ANK1: variants seen among roughly 807,000 people sequenced by gnomAD.
The protein encoded by ANK1 is ankyrin 1, also known as ankyrin-1.
A neutral mutation model predicts 210.4 loss-of-function variants in ANK1; 51 were observed. That is an observed-to-expected ratio of 0.24 (90% CI 0.19 to 0.31). ANK1 has a LOEUF of 0.31. Ranked by LOEUF, ANK1 falls within the 10% of genes least tolerant of loss-of-function variation. The probability of loss-of-function intolerance (pLI) is 1.00; values close to 1 mark genes in which losing one functional copy is unlikely to be tolerated. For missense variants in ANK1, 2,051 were observed against 2,504.4 expected (o/e 0.82, Z 3.86); for synonymous variants, 967 against 1,025.9 (o/e 0.94, Z 1.10).
chr8:41,731,870 C>T (rs1391832320), intron 3 of ANK1, among the ~76,000 whole-genome samples: 1 of 152,230 alleles, frequency 6.6e-6, no homozygotes, highest in African/African-American at 2.4e-5. Flanking sequence ...CCGGCACACG[C>T]GGGGCAGGTC....
chr8:41,692,348 C>T (rs1165784309), intron 31 of ANK1, among the ~76,000 whole-genome samples: 2 of 152,264 alleles, frequency 1.3e-5, no homozygotes, highest in African/African-American at 2.4e-5. Context: ...TGAGCCACTG[C>T]GCCCGGCATG....
chr8:41,867,353 G>T (rs1428390190), intron 1 of ANK1, among the ~76,000 whole-genome samples: 3 of 152,188 alleles, frequency 2.0e-5, no homozygotes, highest in Admixed American at 1.3e-4. Context: ...AGACACTCAT[G>T]AGCCAAAGAT....
chr8:41,879,590 A>G (rs1251580109), intron 1 of ANK1, among the ~76,000 whole-genome samples: 1 of 152,216 alleles, frequency 6.6e-6, no homozygotes, highest in African/African-American at 2.4e-5. Flanking sequence ...TTACCCAGGC[A>G]CGCACCAGAT....
At chr8:41,690,110 G>A (rs867221335) in intron 33 of ANK1, 117 bp downstream of exon 33, 2 of 1,509,734 alleles carry the variant, frequency 1.3e-6, no homozygotes, top group Middle Eastern at 2.3e-4. Flanking sequence ...TGCCTCGGGG[G>A]ACTCTAAGCT....
rs919995340 is a variant in ANK1, at chr8:41,804,534, A to G, written c.127-46397T>C. 4.6e-5 allele frequency among the ~76,000 whole-genome samples: 7 copies of G among 152,342 alleles called. No homozygotes were observed. In the East Asian group the frequency reaches 1.3e-3, roughly 29 times the overall value. ...TTTAGTATCATATCATACTAAACTC[A>G]TAAGGTGAGTTGGCTGGCTTCTCTC... On this transcript the variant is annotated intron_variant, in intron 1 of 42. Coordinates refer to the ANK1 transcript ENST00000265709.
At position 41,781,934 on chromosome 8, in the gene ANK1, C is replaced by T. The variant is rs2150748433; in HGVS notation, c.27+15578G>A. The stretch of plus-strand genomic sequence containing the variant: ...GCTGCTGGCGGCTCCCCTGCTGCCT[C>T]ACAGCTAAGGGTCTATGTCACAGTC... On this transcript the variant is annotated intron_variant, in intron 1 of 42. Transcript: ENST00000289734. Among the ~76,000 whole-genome samples, 2 of 152,318 alleles carry T rather than the reference C, an allele frequency of 1.3e-5. 1 individual carries two copies. The highest frequency in any genetic ancestry group is 4.1e-4 in the South Asian group (2 of 4,828).
rs371206799 is a variant in ANK1, at chr8:41,699,632, C to T, written c.2462-84G>A. 175 of 1,299,736 alleles carry T rather than the reference C, an allele frequency of 1.3e-4. No homozygotes were observed. In the African/African-American group the frequency reaches 2.3e-3, roughly 17 times the overall value. The allele number at this position is 1,299,736 out of a possible 1,614,324, so 80.5% of individuals were successfully genotyped here. ...TTAAAAAAGCTCTGTTCCCGCTCCG[C>T]CTCTGGGGGCTTGCTCCTGAGGAGT... On this transcript the variant is annotated intron_variant, in intron 22 of 42. Transcript: ENST00000289734.
At chr8:41,701,940 CGACCCGCG>C (rs1822937181) in intron 21 of ANK1, 104 bp downstream of exon 21, 2 of 1,187,308 alleles carry the variant, frequency 1.7e-6, no homozygotes, top group Admixed American at 3.8e-5. Flanking sequence ...GCGGCGCCTC[CGACCCGCG>C]TCCCGGAGCC....
At chr8:41,656,864 G>T (rs562271174) in intron 42 of ANK1, among the ~76,000 whole-genome samples, 1 of 152,288 alleles carries the variant, frequency 6.6e-6, no homozygotes, top group East Asian at 1.9e-4. Context: ...TTCCTTGCCA[G>T]GGGCTGCTGT....
chr8:41,829,011 T>C (rs969600834), intron 1 of ANK1: 1 of 152,300 alleles, frequency 6.6e-6, no homozygotes, highest in African/African-American at 2.4e-5. Context: ...ACCGCCGCAG[T>C]TGAAAGAATT....
At chr8:41,708,142 G>A (rs1484809896) in intron 17 of ANK1, among the ~76,000 whole-genome samples, 1 of 152,186 alleles carries the variant, frequency 6.6e-6, no homozygotes, top group Non-Finnish European at 1.5e-5. Context: ...GAATTGTAGA[G>A]TTTGAAAGGG....
At chr8:41,784,692 T>G (rs1363108229) in intron 1 of ANK1, among the ~76,000 whole-genome samples, 1 of 152,230 alleles carries the variant, frequency 6.6e-6, no homozygotes, top group Non-Finnish European at 1.5e-5. Flanking sequence ...AGCTAATTAC[T>G]GAAAGAAACC....
chr8:41,679,192 T>C (rs140701861), intron 37 of ANK1, among the ~76,000 whole-genome samples: 1 of 152,372 alleles, frequency 6.6e-6, no homozygotes, highest in East Asian at 1.9e-4. Flanking sequence ...TGTGTCTGAT[T>C]ACTTTTAATT....
upstream of ANK1, among the ~76,000 whole-genome samples, chr8:41,798,820 C>T (rs560725423): frequency 1.7e-4 from 26 of 152,298 alleles, 1 homozygote; most frequent in South Asian, 5.2e-3. Flanking sequence ...TCCAGCCTTC[C>T]TCACGTGATG....
chr8:41,701,923 G>T, intron 21 of ANK1, 129 bp downstream of exon 21: 1 of 970,322 alleles, frequency 1.0e-6, no homozygotes, highest in Non-Finnish European at 1.6e-6. Context: ...GCTCCCACCC[G>T]TCGGGCGCGG....
chr8:41,782,762 G>C (rs138869513), intron 1 of ANK1, among the ~76,000 whole-genome samples: 5 of 152,120 alleles, frequency 3.3e-5, no homozygotes, highest in Non-Finnish European at 5.9e-5. Flanking sequence ...TCACCTATGC[G>C]AAACTAAGTA....
At chr8:41,884,813 C>T (rs1181658976) in intron 1 of ANK1, among the ~76,000 whole-genome samples, 1 of 152,102 alleles carries the variant, frequency 6.6e-6, no homozygotes, top group East Asian at 1.9e-4. Flanking sequence ...GCCTGGGAGA[C>T]AGGGTGAGAC....
intron 1 of ANK1, among the ~76,000 whole-genome samples, chr8:41,861,924 C>A (rs930846204): frequency 6.6e-6 from 1 of 152,232 alleles, no homozygotes; most frequent in Non-Finnish European, 1.5e-5. Flanking sequence ...CGCACGCCTC[C>A]TCTTGCACGC....
intron 10 of ANK1, 67 bp from the exon 11 acceptor site, chr8:41,718,271 G>C (rs1828278090): frequency 6.6e-7 from 1 of 1,519,182 alleles, no homozygotes; most frequent in Non-Finnish European, 9.1e-7. Flanking sequence ...ACGCCCAGAA[G>C]ACCACCTGGC....
Sources: allele counts gnomAD v4.1 joint callset (sites outside exome capture counted in the v4.1 genomes callset), GRCh38; gene constraint gnomAD v4.1.1; transcripts MANE v1.5; gene names NCBI Gene and HGNC (gene_info 2026-07-23, HGNC 2026-07-21).